Variants in CATSPERD observed in about 807,000 individuals in gnomAD.
CATSPERD encodes the protein cation channel sperm-associated auxiliary subunit delta.
Under a neutral mutation model 98.1 loss-of-function variants are expected in CATSPERD, and 86 were observed. The observed-to-expected ratio is 0.88, with a 90% confidence interval of 0.74 to 1.05. CATSPERD has a LOEUF of 1.05. CATSPERD is among the 50% of genes least tolerant of loss of function. CATSPERD has a pLI of 0.00. For missense variants in CATSPERD, 995 were observed against 1,005.7 expected (o/e 0.99, Z 0.14); for synonymous variants, 394 against 390.2 (o/e 1.01, Z -0.12).
chr19:5,762,553 A>G (rs1275960412), intron 15 of CATSPERD, among the ~76,000 whole-genome samples: 4 of 152,178 alleles, frequency 2.6e-5, no homozygotes, highest in African/African-American at 9.6e-5. Flanking sequence ...AAATGGGTAG[A>G]CAGATGAGTG....
At chr19:5,762,735 T>C (rs2056465240) in intron 15 of CATSPERD, among the ~76,000 whole-genome samples, 2 of 147,740 alleles carry the variant, frequency 1.4e-5, no homozygotes, top group Admixed American at 1.4e-4. Flanking sequence ...AGTGGATGGA[T>C]AGAGAGATGG....
intron 19 of CATSPERD, among the ~76,000 whole-genome samples, chr19:5,771,623 T>TGC (rs2056646465): frequency 6.8e-6 from 1 of 147,956 alleles, no homozygotes; most frequent in Non-Finnish European, 1.5e-5. Flanking sequence ...CAGGCTGGAG[T>TGC]GCAATGACAT....
chr19:5,777,892 A>G (rs1057183335), intron 21 of CATSPERD, among the ~76,000 whole-genome samples: 1 of 151,174 alleles, frequency 6.6e-6, no homozygotes, highest in Non-Finnish European at 1.5e-5. Context: ...AACAAACAAA[A>G]CAAAACAAAA....
At chr19:5,758,653 G>A (rs911540967) in intron 14 of CATSPERD, among the ~76,000 whole-genome samples, 1 of 151,400 alleles carries the variant, frequency 6.6e-6, no homozygotes, top group African/African-American at 2.4e-5. Flanking sequence ...TGAGGCAGGA[G>A]AATGGCGTGA....
At chr19:5,727,236 A>G (rs376165176) in intron 2 of CATSPERD, 32 bp from the exon 3 acceptor site, 9 of 1,502,676 alleles carry the variant, frequency 6.0e-6, no homozygotes, top group Non-Finnish European at 7.4e-6. Context: ...ATGGTTATTG[A>G]TATTATTAAG....
At chr19:5,722,403 G>C (rs2055507089) in intron 1 of CATSPERD, among the ~76,000 whole-genome samples, 1 of 152,206 alleles carries the variant, frequency 6.6e-6, no homozygotes, top group African/African-American at 2.4e-5. Context: ...TTACAGGCGT[G>C]TGCCACCGCG....
Position 5,729,940 on chromosome 19 carries a change from T to C in CATSPERD, c.272T>C (p.Met91Thr), listed in dbSNP as rs771454469. The change falls in exon 4 of 22, where the codon ATG becomes ACG. Residue 91 changes from methionine (M) to threonine (T), a missense_variant. Transcript: ENST00000381624. ...SLLPFTIPTS[M>T]QVGVPEVTSA... Reference sequence around the variant, plus strand: ...CTTCCATTTACCATCCCTACATCAATGCAGGTAGTTATTTTACTGAGTGAT... The same window carrying C: ...CTTCCATTTACCATCCCTACATCAACGCAGGTAGTTATTTTACTGAGTGAT... 3.8e-6 allele frequency: 6 copies of C among 1,564,166 alleles called. No individual in the cohort carries two copies. In the Middle Eastern group the frequency reaches 5.0e-4, roughly 131 times the overall value.
rs1050664989 is a variant in CATSPERD, at chr19:5,753,524, T to C, written c.1165-608T>C. 9.8e-6 allele frequency: 3 copies of C among 306,458 alleles called. No individual in the cohort carries two copies. The East Asian group carries it at 3.2e-4, about 33-fold the overall frequency. 19.0% of individuals were successfully genotyped at this position (306,458 alleles called of 1,614,324 possible). On this transcript the variant is annotated intron_variant, in intron 12 of 21. Transcript: ENST00000381624. Reference sequence around the variant, plus strand: ...TTGCAGTGAGCCGAGATTACGCCACTGCACCCCAACCTGGGCGACAGAGCC... The same window carrying C: ...TTGCAGTGAGCCGAGATTACGCCACCGCACCCCAACCTGGGCGACAGAGCC...
At chr19:5,754,314 C>A in intron 13 of CATSPERD, 69 bp downstream of exon 13, 1 of 1,018,236 alleles carries the variant, frequency 9.8e-7, no homozygotes, top group Non-Finnish European at 1.5e-6. Flanking sequence ...CTCCCAGATT[C>A]TGGAAATCCC....
intron 4 of CATSPERD, among the ~76,000 whole-genome samples, chr19:5,732,037 C>T (rs1334040768): frequency 6.6e-6 from 1 of 152,066 alleles, no homozygotes; most frequent in Non-Finnish European, 1.5e-5. Flanking sequence ...GTGGCACGAT[C>T]TCAGCTCATT....
chr19:5,745,761 TA>T, intron 8 of CATSPERD, 151 bp from the exon 9 acceptor site: 1 of 656,036 alleles, frequency 1.5e-6, no homozygotes, highest in Non-Finnish European at 2.5e-6. Context: ...TTGTATTTAA[TA>T]AAAATAAAAA....
chr19:5,769,569 C>T (rs2056607772), intron 18 of CATSPERD, among the ~76,000 whole-genome samples: 1 of 152,066 alleles, frequency 6.6e-6, no homozygotes, highest in Non-Finnish European at 1.5e-5. Flanking sequence ...GAGCTCCTTG[C>T]CACGCGAGTG....
chr19:5,743,813 A>G (rs3097891), intron 7 of CATSPERD, among the ~76,000 whole-genome samples: 58,615 of 151,310 alleles, frequency 0.39, 11,711 homozygotes, highest in Non-Finnish European at 0.45. Flanking sequence ...TTCCTGTTCC[A>G]AGTCAGCTGC....
chr19:5,769,293 CAAAA>C (rs35536683), intron 18 of CATSPERD, among the ~76,000 whole-genome samples: 1 of 45,080 alleles, frequency 2.2e-5, no homozygotes, highest in African/African-American at 9.1e-5. Context: ...AACCTAGAGA[CAAAA>C]AAAAAAAAAA....
chr19:5,749,317 C>A (rs1333968981), intron 11 of CATSPERD, 134 bp downstream of exon 11: 2 of 476,078 alleles, frequency 4.2e-6, no homozygotes, highest in Non-Finnish European at 7.3e-6. Flanking sequence ...CATGGTGAAA[C>A]CCTGTCTCTA....
rs901284602 is a variant in CATSPERD at position 5,727,433 on chromosome 19, G to T, written c.203+89G>T. 56 of 1,002,622 alleles carry T rather than the reference G, an allele frequency of 5.6e-5. 1 individual carries two copies. The South Asian group carries it at 6.8e-4, about 12-fold the overall frequency. The allele number at this position is 1,002,622 out of a possible 1,614,324, so 62.1% of individuals were successfully genotyped here. On this transcript the variant is annotated intron_variant, in intron 3 of 21. Transcript: ENST00000381624. Reference sequence around the variant, plus strand: ...CATTCGTTCAACAAACAGTAAAGAAGATGGCTCTGCCGTGTGTTGCTAGTT... The same window carrying T: ...CATTCGTTCAACAAACAGTAAAGAATATGGCTCTGCCGTGTGTTGCTAGTT...
chr19:5,743,762 C>CT (rs1365413227), intron 7 of CATSPERD, among the ~76,000 whole-genome samples: 6 of 150,712 alleles, frequency 4.0e-5, no homozygotes, highest in African/African-American at 1.5e-4. Context: ...AGCTGGGCTG[C>CT]TATGGAAATC....
At chr19:5,729,305 G>A (rs1453652027) in intron 3 of CATSPERD, among the ~76,000 whole-genome samples, 1 of 151,708 alleles carries the variant, frequency 6.6e-6, no homozygotes, top group African/African-American at 2.4e-5. Context: ...TCAACATGTT[G>A]GCCAGGCTGG....
chr19:5,721,513 A>G (rs534927042), intron 1 of CATSPERD, among the ~76,000 whole-genome samples: 1 of 152,334 alleles, frequency 6.6e-6, no homozygotes, highest in East Asian at 1.9e-4. Context: ...CATGGGGACC[A>G]GTTGCTGAAA....
Sources: allele counts gnomAD v4.1 joint callset (sites outside exome capture counted in the v4.1 genomes callset), GRCh38; gene constraint gnomAD v4.1.1; transcripts MANE v1.5; gene names NCBI Gene and HGNC (gene_info 2026-07-23, HGNC 2026-07-21).